YTHDC2: variants seen among roughly 807,000 people sequenced by gnomAD.
YTHDC2 encodes the protein YTH N6-methyladenosine RNA binding protein C2.
In YTHDC2, 45 loss-of-function variants were observed where a neutral mutation model predicts 174.9. The observed-to-expected ratio is 0.26, with a 90% CI of 0.20 to 0.33. YTHDC2 has a LOEUF of 0.33. Among genes scored for constraint, YTHDC2 ranks in the 10% least tolerant of loss-of-function variants. YTHDC2 has a pLI of 1.00. For missense variants in YTHDC2, 1,650 were observed against 1,723.7 expected (o/e 0.96, Z 0.76); for synonymous variants, 657 against 574.5 (o/e 1.14, Z -2.05).
At chr5:113,549,693 C>G (rs1412232498) in intron 12 of YTHDC2, among the ~76,000 whole-genome samples, 1 of 152,050 alleles carries the variant, frequency 6.6e-6, no homozygotes, top group Non-Finnish European at 1.5e-5. Context: ...AATCTACCCC[C>G]CACGCAATGT....
intron 4 of YTHDC2, among the ~76,000 whole-genome samples, chr5:113,528,492 A>G (rs1045628621): frequency 6.6e-6 from 1 of 151,992 alleles, no homozygotes; most frequent in African/African-American, 2.4e-5. Flanking sequence ...AAACTTGAAC[A>G]TTGTGGAAAA....
chr5:113,529,994 A>T (rs1025589825), intron 4 of YTHDC2, among the ~76,000 whole-genome samples: 1 of 152,058 alleles, frequency 6.6e-6, no homozygotes, highest in African/African-American at 2.4e-5. Context: ...GGCTATTCAC[A>T]GAGTTGATTA....
At chr5:113,554,254 T>C (rs1026514530) in intron 16 of YTHDC2, among the ~76,000 whole-genome samples, 3 of 152,028 alleles carry the variant, frequency 2.0e-5, no homozygotes, top group African/African-American at 7.2e-5. Flanking sequence ...TAATTCAGTA[T>C]ATAGAATCAA....
At chr5:113,525,807 T>C (rs1167163350) in intron 3 of YTHDC2, among the ~76,000 whole-genome samples, 6 of 152,164 alleles carry the variant, frequency 3.9e-5, no homozygotes, top group Non-Finnish European at 7.4e-5. Context: ...TTATTGCCTA[T>C]AGTGATAAAA....
chr5:113,587,439 A>G (rs1778737988), intron 26 of YTHDC2, among the ~76,000 whole-genome samples: 1 of 82,998 alleles, frequency 1.2e-5, no homozygotes, highest in Non-Finnish European at 1.9e-5. Context: ...ATAATATATA[A>G]ATATATATTA....
At chr5:113,554,711 A>G (rs1048036467) in intron 16 of YTHDC2, among the ~76,000 whole-genome samples, 3 of 151,492 alleles carry the variant, frequency 2.0e-5, no homozygotes, top group African/African-American at 7.3e-5. Flanking sequence ...ACTATTTGAA[A>G]GTCCTTTTCA....
At chr5:113,580,401 A>G (rs922400801) in intron 24 of YTHDC2, among the ~76,000 whole-genome samples, 2 of 152,140 alleles carry the variant, frequency 1.3e-5, no homozygotes, top group Non-Finnish European at 2.9e-5. Context: ...TTCTCTTTGC[A>G]TATACTTCTG....
At chr5:113,586,985 TATATAA>T (rs1421295910) in intron 26 of YTHDC2, among the ~76,000 whole-genome samples, 645 of 6,554 alleles carry the variant, frequency 0.098, 31 homozygotes, top group African/African-American at 0.22. Flanking sequence ...TCATATATAA[TATATAA>T]ATATATATTA....
chr5:113,518,201 T>G (rs1049451586), intron 2 of YTHDC2, among the ~76,000 whole-genome samples: 2 of 150,640 alleles, frequency 1.3e-5, no homozygotes, highest in Admixed American at 6.6e-5. Context: ...TTTTGTTTTT[T>G]TTTTTTTTTG....
At chr5:113,534,463 C>T in intron 6 of YTHDC2, 56 bp downstream of exon 6, 4 of 1,473,266 alleles carry the variant, frequency 2.7e-6, no homozygotes, top group Non-Finnish European at 1.9e-6. Flanking sequence ...AATTTAAATA[C>T]ATATGCCGTT....
At chr5:113,584,626 T>C in intron 26 of YTHDC2, 147 bp downstream of exon 26, 1 of 673,174 alleles carries the variant, frequency 1.5e-6, no homozygotes, top group Non-Finnish European at 2.3e-6. Context: ...TGATACAGTT[T>C]GAGTAAATTT....
In YTHDC2 at chr5:113,581,578, A is replaced by G. The variant is rs759115647; in HGVS notation, c.3516A>G (p.Pro1172=). The G allele has an allele frequency of 1.2e-6, 2 of 1,613,996 alleles. No homozygotes were observed. Among genetic ancestry groups the G allele is most frequent in the South Asian group, 1.1e-5 (1 of 91,084 alleles). ...TEEQSAGLQQ[P]SGIGQRPRPM... Reference sequence around the variant, plus strand: ...AACAGTCTGCAGGTTTACAACAACCATCTGGGATTGGCCAAAGGCCAAGGC... The same window carrying G: ...AACAGTCTGCAGGTTTACAACAACCGTCTGGGATTGGCCAAAGGCCAAGGC... The change falls in exon 25 of 30, where the codon CCA becomes CCG. Residue 1172 remains proline (P), a synonymous_variant. Coordinates refer to ENST00000161863, the MANE Select transcript of YTHDC2 (RefSeq NM_022828.5).
In YTHDC2 at chr5:113,541,023, C is replaced by A. The variant is rs1263337473; in HGVS notation, c.1266C>A (p.Phe422Leu). Residue 422 changes from phenylalanine to leucine, a missense_variant, in exon 9 of 30, where the codon TTC (phenylalanine) becomes TTA (leucine). By Grantham distance (22) the Phe-to-Leu change is conservative. Transcript: ENST00000161863. Reference protein sequence around the residue: ...TEWYSAQENSFKPESQRQRTV... With the variant: ...TEWYSAQENSLKPESQRQRTV... ...GGTACTCAGCTCAAGAAAATAGTTTCAAGCCTGAATCTCAGAGGCAGAGAA... is the reference window on the plus strand; with the variant it reads ...GGTACTCAGCTCAAGAAAATAGTTTAAAGCCTGAATCTCAGAGGCAGAGAA... The A allele has an allele frequency of 6.2e-7, 1 of 1,614,040 alleles. No individual in the cohort carries two copies. The highest frequency in any genetic ancestry group is 1.6e-4 in the Middle Eastern group (1 of 6,062).
At chr5:113,516,298 A>C (rs944137188) in intron 2 of YTHDC2, among the ~76,000 whole-genome samples, 3 of 152,226 alleles carry the variant, frequency 2.0e-5, no homozygotes, top group Non-Finnish European at 4.4e-5. Context: ...CTACCAAGTC[A>C]AGGATCTGAT....
At chr5:113,533,839 C>T (rs370619174) in intron 5 of YTHDC2, among the ~76,000 whole-genome samples, 30 of 152,186 alleles carry the variant, frequency 2.0e-4, no homozygotes, top group African/African-American at 6.0e-4. Context: ...TCTGGATTTA[C>T]GATTTTCAGA....
At chr5:113,516,139 T>C (rs1001391599) in intron 2 of YTHDC2, among the ~76,000 whole-genome samples, 2 of 152,226 alleles carry the variant, frequency 1.3e-5, no homozygotes, top group African/African-American at 2.4e-5. Context: ...AGTTGATTGC[T>C]TGAGAAAAAT....
Position 113,563,871 on chromosome 5 carries a change from A to T in YTHDC2, c.2455A>T (p.Met819Leu). 6.2e-7 allele frequency: 1 copy of T among 1,614,146 alleles called. No individual in the cohort carries two copies. ...TCCTTTTACTTAGACAATAGATGCA[A>T]TGGATACATGGGAAGATCTGACTGA... ...AVQMLKTIDA[M>L]DTWEDLTELG... The change falls in exon 20 of 30, where the codon ATG becomes TTG. Residue 819 changes from methionine (M) to leucine (L), a missense_variant. Physicochemically the swap from Met to Leu is conservative, Grantham distance 15. Coordinates refer to ENST00000161863, the MANE Select transcript of YTHDC2 (RefSeq NM_022828.5).
intron 23 of YTHDC2, among the ~76,000 whole-genome samples, chr5:113,569,648 G>A (rs775971294): frequency 7.2e-5 from 11 of 152,082 alleles, no homozygotes; most frequent in South Asian, 2.1e-4. Flanking sequence ...AAAATCAGAC[G>A]GTTGTAAGTG....
At chr5:113,545,054 T>A (rs1775761424) in intron 10 of YTHDC2, among the ~76,000 whole-genome samples, 1 of 152,204 alleles carries the variant, frequency 6.6e-6, no homozygotes, top group South Asian at 2.1e-4. Flanking sequence ...ATAAATTTTA[T>A]CTTAAAGTTA....
Sources: allele counts gnomAD v4.1 joint callset (sites outside exome capture counted in the v4.1 genomes callset), GRCh38; gene constraint gnomAD v4.1.1; transcripts MANE v1.5; gene names NCBI Gene and HGNC (gene_info 2026-07-23, HGNC 2026-07-21).